Variants in IMMP1L observed in about 807,000 individuals in gnomAD.
IMMP1L encodes the protein inner mitochondrial membrane peptidase subunit 1.
A neutral mutation model predicts 21.8 loss-of-function variants in IMMP1L; 24 were observed. That is an observed-to-expected ratio of 1.10 (90% confidence interval 0.80 to 1.55). The LOEUF (loss-of-function observed/expected upper bound fraction) is 1.55. Ranked by LOEUF, IMMP1L falls within the 40% of genes most tolerant of loss-of-function variation. The probability of loss-of-function intolerance (pLI) is 0.00; values close to 1 mark genes in which losing one functional copy is unlikely to be tolerated. For missense variants in IMMP1L, 195 were observed against 200.7 expected, an observed-to-expected ratio of 0.97 and a Z score of 0.17; for synonymous variants, 46 against 62.8, an observed-to-expected ratio of 0.73 and a Z score of 1.26.
chr11:31,460,401 A>G (rs1398479567), intron 3 of IMMP1L, among the ~76,000 whole-genome samples: 4 of 152,170 alleles, frequency 2.6e-5, no homozygotes, highest in Non-Finnish European at 5.9e-5. Flanking sequence ...TATTTTTCAA[A>G]ATGATGCAAG....
Position 31,482,687 on chromosome 11 carries a change from TG to T in IMMP1L, c.-29-19383del, listed in dbSNP as rs1954937253. ...ACCAGAATTGGAAAAATGAAAAAGA[TG>T]GGGGGAAAAAAACGAGTGTTGGAAA... On this transcript the variant is annotated intron_variant, in intron 1 of 5. Transcript: ENST00000532287. Among the ~76,000 whole-genome samples the T allele has an allele frequency of 2.6e-5, 4 of 151,824 alleles. No homozygotes were observed. In the South Asian group the frequency reaches 8.3e-4, roughly 31 times the overall value.
At chr11:31,487,966 T>C (rs1592024683) in intron 1 of IMMP1L, among the ~76,000 whole-genome samples, 1 of 152,198 alleles carries the variant, frequency 6.6e-6, no homozygotes, top group African/African-American at 2.4e-5. Context: ...AGCCAAAGAT[T>C]CCCCTCCTTA....
intron 1 of IMMP1L, among the ~76,000 whole-genome samples, chr11:31,496,351 T>C (rs1051218641): frequency 2.0e-5 from 3 of 152,192 alleles, no homozygotes; most frequent in African/African-American, 7.2e-5. Context: ...GTGGTGAAAT[T>C]GTAACCCTTC....
At chr11:31,444,480 A>G (rs1953447201) in intron 4 of IMMP1L, among the ~76,000 whole-genome samples, 1 of 152,246 alleles carries the variant, frequency 6.6e-6, no homozygotes, top group Non-Finnish European at 1.5e-5. Context: ...TTAAAAATGT[A>G]CATTAATTAT....
chr11:31,470,931 CAGA>C (rs1369005516), intron 1 of IMMP1L, among the ~76,000 whole-genome samples: 1 of 152,056 alleles, frequency 6.6e-6, no homozygotes, highest in African/African-American at 2.4e-5. Flanking sequence ...GTTGATTTCA[CAGA>C]AGGAGATAGA....
chr11:31,489,382 A>G (rs1293184833), intron 1 of IMMP1L, among the ~76,000 whole-genome samples: 7 of 152,190 alleles, frequency 4.6e-5, no homozygotes, highest in Non-Finnish European at 7.3e-5. Flanking sequence ...TTATTAATAC[A>G]TAACATTTAC....
intron 1 of IMMP1L, among the ~76,000 whole-genome samples, chr11:31,488,989 C>T (rs570298215): frequency 1.6e-4 from 25 of 152,072 alleles, no homozygotes; most frequent in Non-Finnish European, 3.4e-4. Context: ...CTCCACCTCC[C>T]GGGTTCACGC....
intron 3 of IMMP1L, among the ~76,000 whole-genome samples, chr11:31,457,009 A>G (rs1953969350): frequency 6.6e-6 from 1 of 151,626 alleles, no homozygotes; most frequent in South Asian, 2.1e-4. Context: ...TTAAGTAAAT[A>G]AATATTGCGG....
chr11:31,489,290 C>T (rs946817280), intron 1 of IMMP1L, among the ~76,000 whole-genome samples: 8 of 152,090 alleles, frequency 5.3e-5, no homozygotes, highest in Non-Finnish European at 1.0e-4. Context: ...AAACTTTTGC[C>T]TTTAAAACAA....
intron 1 of IMMP1L, among the ~76,000 whole-genome samples, chr11:31,493,790 G>C (rs1955334290): frequency 6.6e-6 from 1 of 152,158 alleles, no homozygotes; most frequent in Admixed American, 6.5e-5. Context: ...AAACAAAGGG[G>C]CTGTGGGCCC....
chr11:31,482,647 C>T (rs1223096), intron 1 of IMMP1L, among the ~76,000 whole-genome samples: 58,312 of 151,724 alleles, frequency 0.38, 14,439 homozygotes, highest in African/African-American at 0.71. Context: ...CATTACGGTA[C>T]ACTACTTTGT....
intron 4 of IMMP1L, among the ~76,000 whole-genome samples, chr11:31,445,581 T>C (rs1185713901): frequency 6.6e-6 from 1 of 152,222 alleles, no homozygotes; most frequent in Non-Finnish European, 1.5e-5. Flanking sequence ...AAAACAGGCA[T>C]TGTTGAATAT....
intron 4 of IMMP1L, among the ~76,000 whole-genome samples, chr11:31,447,816 T>C (rs915272774): frequency 1.3e-5 from 2 of 152,204 alleles, no homozygotes; most frequent in African/African-American, 4.8e-5. Context: ...TTTCCTTTTT[T>C]TCATTCTTGT....
At chr11:31,483,062 A>T (rs1221778654) in intron 1 of IMMP1L, among the ~76,000 whole-genome samples, 1 of 152,054 alleles carries the variant, frequency 6.6e-6, no homozygotes, top group Admixed American at 6.6e-5. Context: ...ACACACAAAA[A>T]ATGATACTGT....
At chr11:31,433,429 TA>T in intron 5 of IMMP1L, 30 bp downstream of exon 5, 1 of 1,294,024 alleles carries the variant, frequency 7.7e-7, no homozygotes, top group Non-Finnish European at 1.1e-6. Context: ...GCTCAGAAAA[TA>T]AACCTTACAT....
At chr11:31,459,318 A>C (rs1014743637) in intron 3 of IMMP1L, among the ~76,000 whole-genome samples, 4 of 152,184 alleles carry the variant, frequency 2.6e-5, no homozygotes, top group Non-Finnish European at 5.9e-5. Flanking sequence ...AGCAAAGGTG[A>C]ATAGTGAAAG....
chr11:31,452,536 G>A lies in IMMP1L; in HGVS notation c.321+3724C>T, dbSNP rs545516178. ...CAACTAAATTATTTTTTCTGATAAA[G>A]CAGTGGCTTCAAGCAGCAAACTGAG... is the stretch of plus-strand genomic sequence containing the variant. On this transcript the variant is annotated intron_variant, in intron 4 of 5. Transcript: ENST00000532287. The A allele has an allele frequency of 4.5e-5, 44 of 985,284 alleles. No individual in the cohort carries two copies. The Admixed American group carries it at 2.6e-3, about 59-fold the overall frequency. The allele number at this position is 985,284 out of a possible 1,614,324, so 61.0% of individuals were successfully genotyped here.
At chr11:31,471,355 G>A (rs1044905959) in intron 1 of IMMP1L, among the ~76,000 whole-genome samples, 2 of 152,100 alleles carry the variant, frequency 1.3e-5, no homozygotes, top group Admixed American at 1.3e-4. Context: ...AGTGTTCCCT[G>A]ACCTCCGTGT....
At chr11:31,442,203 C>A (rs1223548091) in intron 4 of IMMP1L, among the ~76,000 whole-genome samples, 2 of 152,238 alleles carry the variant, frequency 1.3e-5, no homozygotes, top group East Asian at 3.9e-4. Flanking sequence ...TATGATAAAA[C>A]CTAATCTCAG....
Sources: allele counts gnomAD v4.1 joint callset (sites outside exome capture counted in the v4.1 genomes callset), GRCh38; gene constraint gnomAD v4.1.1; transcripts MANE v1.5; gene names NCBI Gene and HGNC (gene_info 2026-07-23, HGNC 2026-07-21).